Variants in TMEM132D observed in about 807,000 individuals in gnomAD.
TMEM132D encodes the protein transmembrane protein 132D.
In TMEM132D, 21 loss-of-function variants were observed where a neutral mutation model predicts 62.3. The ratio of observed to expected loss-of-function variants is 0.34; its 90% CI spans 0.24 to 0.49. TMEM132D has a LOEUF of 0.49. TMEM132D is among the 20% of genes least tolerant of loss of function. The pLI is 0.99. For synonymous variants in TMEM132D, 621 were observed against 575.6 expected, an observed-to-expected ratio of 1.08 and a Z score of -1.13; for missense variants, 1,346 against 1,402.8, an observed-to-expected ratio of 0.96 and a Z score of 0.65.
At chr12:129,107,303 A>T (rs2135641324) in intron 5 of TMEM132D, among the ~76,000 whole-genome samples, 1 of 152,322 alleles carries the variant, frequency 6.6e-6, no homozygotes, top group South Asian at 2.1e-4. Context: ...ACTGAAATGG[A>T]ATTCACAGAT....
At chr12:129,164,483 T>C (rs1214612206) in intron 5 of TMEM132D, among the ~76,000 whole-genome samples, 2 of 152,256 alleles carry the variant, frequency 1.3e-5, no homozygotes, top group Admixed American at 1.3e-4. Flanking sequence ...GTTAAACATA[T>C]ACCCAGCTGT....
intron 5 of TMEM132D, among the ~76,000 whole-genome samples, chr12:129,149,148 G>A (rs1383325320): frequency 6.7e-6 from 1 of 149,900 alleles, no homozygotes; most frequent in Admixed American, 6.7e-5. Flanking sequence ...AACACCGCAC[G>A]TTCTCACTCA....
At chr12:129,693,191 C>T (rs11060502) in intron 2 of TMEM132D, among the ~76,000 whole-genome samples, 33,306 of 152,024 alleles carry the variant, frequency 0.22, 3,995 homozygotes, top group Middle Eastern at 0.28. Flanking sequence ...GCGTGACAAG[C>T]CCTTCTCACC....
At chr12:129,279,084 T>C (rs954687012) in intron 4 of TMEM132D, among the ~76,000 whole-genome samples, 12 of 152,168 alleles carry the variant, frequency 7.9e-5, no homozygotes, top group African/African-American at 2.9e-4. Flanking sequence ...TTATGTTAAA[T>C]TTAGCCACGA....
At chr12:129,243,328 G>T (rs1879984682) in intron 4 of TMEM132D, among the ~76,000 whole-genome samples, 1 of 152,086 alleles carries the variant, frequency 6.6e-6, no homozygotes, top group Non-Finnish European at 1.5e-5. Context: ...GTATCCATGA[G>T]AATCAGACCT....
At chr12:129,792,649 C>T (rs1015695549) in intron 1 of TMEM132D, among the ~76,000 whole-genome samples, 2 of 152,118 alleles carry the variant, frequency 1.3e-5, no homozygotes, top group East Asian at 1.9e-4. Flanking sequence ...ATAATATCTC[C>T]GATACATGCT....
intron 5 of TMEM132D, among the ~76,000 whole-genome samples, chr12:129,142,188 C>A (rs1397377446): frequency 6.6e-6 from 1 of 152,086 alleles, no homozygotes; most frequent in Non-Finnish European, 1.5e-5. Context: ...AAAATCCCGT[C>A]CAACTGGTCA....
chr12:129,203,195 G>A (rs1390941809), intron 5 of TMEM132D, among the ~76,000 whole-genome samples: 2 of 152,066 alleles, frequency 1.3e-5, no homozygotes, highest in East Asian at 1.9e-4. Context: ...TAACTAACCC[G>A]GCTGCATCTG....
At chr12:129,549,334 C>T (rs1876825677) in intron 2 of TMEM132D, among the ~76,000 whole-genome samples, 1 of 150,822 alleles carries the variant, frequency 6.6e-6, no homozygotes, top group Admixed American at 6.6e-5. Context: ...GTGTCCCCAC[C>T]CAAATCTCAT....
chr12:129,460,496 T>C (rs968499822), intron 3 of TMEM132D, among the ~76,000 whole-genome samples: 70 of 152,206 alleles, frequency 4.6e-4, no homozygotes, highest in African/African-American at 1.7e-3. Context: ...GATGATGGGC[T>C]TGTTACCTAC....
chr12:129,538,415 C>G (rs1384483756), intron 2 of TMEM132D, among the ~76,000 whole-genome samples: 1 of 152,168 alleles, frequency 6.6e-6, no homozygotes, highest in Non-Finnish European at 1.5e-5. Context: ...GGGCCTCATA[C>G]AGTGGAGCAG....
intron 1 of TMEM132D, among the ~76,000 whole-genome samples, chr12:129,802,940 G>A (rs1293698082): frequency 4.6e-5 from 7 of 151,080 alleles, no homozygotes; most frequent in Non-Finnish European, 8.9e-5. Context: ...AAGAGACAAA[G>A]AAGGCCATTA....
intron 5 of TMEM132D, among the ~76,000 whole-genome samples, chr12:129,145,827 G>C (rs184503160): frequency 1.3e-5 from 2 of 151,994 alleles, no homozygotes; most frequent in African/African-American, 4.8e-5. Context: ...GTGTGCCCAG[G>C]GGTGTCCAAG....
At chr12:129,144,147 G>A (rs1876823950) in intron 5 of TMEM132D, among the ~76,000 whole-genome samples, 1 of 151,900 alleles carries the variant, frequency 6.6e-6, no homozygotes, top group East Asian at 1.9e-4. Context: ...GTAAGGTAGG[G>A]AGAAACAAAA....
intron 2 of TMEM132D, among the ~76,000 whole-genome samples, chr12:129,589,394 T>C (rs1878128768): frequency 6.6e-6 from 1 of 152,122 alleles, no homozygotes; most frequent in Non-Finnish European, 1.5e-5. Context: ...TCTTTACAAA[T>C]TACCCAGTCT....
intron 3 of TMEM132D, among the ~76,000 whole-genome samples, chr12:129,342,999 A>G (rs538482221): frequency 6.6e-6 from 1 of 152,226 alleles, no homozygotes; most frequent in Non-Finnish European, 1.5e-5. Context: ...TAGTTCAACC[A>G]TTGTGGAAGT....
At chr12:129,898,251 T>A (rs1875214768) in intron 1 of TMEM132D, among the ~76,000 whole-genome samples, 1 of 152,136 alleles carries the variant, frequency 6.6e-6, no homozygotes, top group African/African-American at 2.4e-5. Context: ...TTTCACACTC[T>A]TGGAAGCACA....
intron 5 of TMEM132D, among the ~76,000 whole-genome samples, chr12:129,180,543 T>C (rs975560747): frequency 4.3e-4 from 66 of 152,206 alleles, no homozygotes; most frequent in African/African-American, 1.5e-3. Flanking sequence ...ACAGACACAG[T>C]CCTTGCTTTC....
chr12:129,867,294 T>C lies in TMEM132D; in HGVS notation c.79+35967A>G, dbSNP rs1874090151. ...AAAAGAAAGAAAGAAATCCTGCCAT[T>C]TGCAACAATATATACATGACACTGA... On this transcript the variant is annotated intron_variant, in intron 1 of 8. Transcript: ENST00000422113. This position sits in a 1 kb window ranked among gnomAD's most constrained non-coding sequence, Gnocchi z 4.5. Among the ~76,000 whole-genome samples the C allele has an allele frequency of 6.6e-6, 1 of 151,942 alleles. No individual in the cohort carries two copies.
Sources: gnomAD v4.1 joint callset for allele counts (sites outside exome capture counted in the v4.1 genomes callset) on GRCh38, gnomAD v4.1.1 for gene constraint, Gnocchi (gnomAD v3.1) non-coding constraint, MANE v1.5 for transcripts, NCBI Gene and HGNC (gene_info 2026-07-23, HGNC 2026-07-21) for gene names.